Variants in CELF2 observed in about 807,000 individuals in gnomAD.
CELF2 encodes the protein CUG triplet repeat RNA-binding protein 2.
A neutral mutation model predicts 62.6 loss-of-function variants in CELF2; 8 were observed. The observed-to-expected ratio is 0.13, with a 90% CI of 0.07 to 0.23. The LOEUF (loss-of-function observed/expected upper bound fraction) is 0.23. Ranked by LOEUF, CELF2 falls within the 10% of genes least tolerant of loss-of-function variation. The probability of loss-of-function intolerance (pLI) is 1.00; values close to 1 mark genes in which losing one functional copy is unlikely to be tolerated. For missense variants in CELF2, 333 were observed against 671.0 expected, an observed-to-expected ratio of 0.50 and a Z score of 5.56; for synonymous variants, 258 against 250.0, an observed-to-expected ratio of 1.03 and a Z score of -0.30.
chr10:10,897,983 G>C (rs2062681476), intron 1 of CELF2, among the ~76,000 whole-genome samples: 1 of 152,198 alleles, frequency 6.6e-6, no homozygotes, highest in African/African-American at 2.4e-5. Context: ...AACAGTGACT[G>C]GTTCAGTCTT....
the CELF2 span, among the ~76,000 whole-genome samples, chr10:10,753,379 T>A: frequency 1.3e-5 from 2 of 152,194 alleles, no homozygotes; most frequent in East Asian, 3.9e-4. Flanking sequence ...TGTGCGTGTG[T>A]GTAACTCTGC....
intron 1 of CELF2, among the ~76,000 whole-genome samples, chr10:11,068,584 G>A (rs899322860): frequency 2.7e-5 from 4 of 150,870 alleles, no homozygotes; most frequent in South Asian, 2.1e-4. Context: ...TTTTTGAGAC[G>A]GAGTCTTGCT....
At chr10:10,658,423 A>G in the CELF2 span, among the ~76,000 whole-genome samples, 11 of 152,312 alleles carry the variant, frequency 7.2e-5, no homozygotes, top group Non-Finnish European at 1.3e-4. Context: ...TATGGGTACT[A>G]TCATCCATTA....
chr10:11,310,309 G>C (rs1308235041), intron 9 of CELF2, among the ~76,000 whole-genome samples: 2 of 152,134 alleles, frequency 1.3e-5, no homozygotes, highest in African/African-American at 4.8e-5. Context: ...CATCTTCTTG[G>C]CCATACCTGC....
At chr10:11,279,929 G>A (rs2087706080) in intron 8 of CELF2, among the ~76,000 whole-genome samples, 1 of 152,132 alleles carries the variant, frequency 6.6e-6, no homozygotes, top group Non-Finnish European at 1.5e-5. Context: ...TGTTTTGCAT[G>A]TTCAGTCACC....
At chr10:10,536,698 G>A in the CELF2 span, among the ~76,000 whole-genome samples, 36 of 152,304 alleles carry the variant, frequency 2.4e-4, no homozygotes, top group Middle Eastern at 3.4e-3. Context: ...TGAGGGTGCC[G>A]ACAGGGACAG....
At chr10:10,523,967 C>G in the CELF2 span, among the ~76,000 whole-genome samples, 2 of 152,290 alleles carry the variant, frequency 1.3e-5, no homozygotes, top group East Asian at 3.9e-4. Flanking sequence ...AGCAACATTG[C>G]TACAACCTCA....
intron 2 of CELF2, among the ~76,000 whole-genome samples, chr10:10,922,338 A>G (rs1013526027): frequency 2.6e-5 from 4 of 152,178 alleles, no homozygotes; most frequent in African/African-American, 9.7e-5. Context: ...ATGTGTGGGC[A>G]GAGAGATTGT....
chr10:10,623,878 C>G, the CELF2 span, among the ~76,000 whole-genome samples: 6 of 152,158 alleles, frequency 3.9e-5, no homozygotes, highest in African/African-American at 1.2e-4. Flanking sequence ...GTGAACTGCC[C>G]AGTGCCAGCC....
At chr10:10,739,204 G>A in the CELF2 span, among the ~76,000 whole-genome samples, 1 of 152,058 alleles carries the variant, frequency 6.6e-6, no homozygotes, top group Non-Finnish European at 1.5e-5. Context: ...GCATATATAT[G>A]TCTATAGAAA....
At chr10:11,164,981 A>T (rs1383818923) in intron 1 of CELF2, 26 of 809,498 alleles carry the variant, frequency 3.2e-5, no homozygotes, top group Non-Finnish European at 3.9e-5. Flanking sequence ...TTTTCTTTCC[A>T]TGTGACTTTA....
the CELF2 span, among the ~76,000 whole-genome samples, chr10:10,705,731 T>C: frequency 3.9e-5 from 6 of 152,184 alleles, no homozygotes; most frequent in African/African-American, 9.7e-5. Context: ...ACTTAGATGA[T>C]TGGATGTCCC....
the CELF2 span, among the ~76,000 whole-genome samples, chr10:10,775,150 T>C: frequency 6.6e-6 from 1 of 152,174 alleles, no homozygotes; most frequent in Non-Finnish European, 1.5e-5. Flanking sequence ...GTACCGGGAT[T>C]ACAGGCGTGA....
intron 5 of CELF2, among the ~76,000 whole-genome samples, chr10:11,264,510 A>G (rs2081612413): frequency 6.6e-6 from 1 of 152,272 alleles, no homozygotes; most frequent in African/African-American, 2.4e-5. Context: ...TATCTCCAAT[A>G]GATGATTTGC....
chr10:10,984,616 A>ATGCC (rs1564311602), intron 2 of CELF2, among the ~76,000 whole-genome samples: 1 of 152,208 alleles, frequency 6.6e-6, no homozygotes, highest in African/African-American at 2.4e-5. Context: ...GGTAGCATGC[A>ATGCC]TGCCCTCCCT....
At chr10:11,137,165 AG>A (rs2060571679) in intron 1 of CELF2, among the ~76,000 whole-genome samples, 2 of 152,228 alleles carry the variant, frequency 1.3e-5, no homozygotes, top group Non-Finnish European at 2.9e-5. Flanking sequence ...AGTAAGGAAA[AG>A]TTATGGTGTA....
At chr10:10,823,390 G>A (rs776796828) in intron 1 of CELF2, among the ~76,000 whole-genome samples, 43 of 152,110 alleles carry the variant, frequency 2.8e-4, no homozygotes, top group Non-Finnish European at 2.9e-5. Context: ...CTGGGCACTC[G>A]CAGGAATGGA....
At chr10:10,825,083 C>T (rs1185346833) in intron 1 of CELF2, among the ~76,000 whole-genome samples, 2 of 152,154 alleles carry the variant, frequency 1.3e-5, no homozygotes, top group Non-Finnish European at 1.5e-5. Flanking sequence ...GTTTCACAAT[C>T]GGAAATTGAT....
At chr10:10,950,072 CCT>C (rs1174195978) in intron 2 of CELF2, among the ~76,000 whole-genome samples, 1 of 152,144 alleles carries the variant, frequency 6.6e-6, no homozygotes, top group Non-Finnish European at 1.5e-5. Flanking sequence ...ACCTCTCTCC[CCT>C]GATTCCTGAG....
Sources: allele counts gnomAD v4.1 joint callset (sites outside exome capture counted in the v4.1 genomes callset), GRCh38; gene constraint gnomAD v4.1.1; transcripts MANE v1.5; gene names NCBI Gene and HGNC (gene_info 2026-07-23, HGNC 2026-07-21).